Variants in SIL1 observed in about 807,000 individuals in gnomAD.
The protein encoded by SIL1 is SIL1 nucleotide exchange factor.
A neutral mutation model predicts 49.1 loss-of-function variants in SIL1; 40 were observed. That is an observed-to-expected ratio of 0.81 (90% confidence interval 0.63 to 1.06). The LOEUF (loss-of-function observed/expected upper bound fraction) is 1.06. Among genes scored for constraint, SIL1 ranks in the 50% least tolerant of loss-of-function variants. The pLI is 0.00. For missense variants in SIL1, 500 were observed against 572.6 expected (o/e 0.87, Z 1.29); for synonymous variants, 253 against 250.8 (o/e 1.01, Z -0.08).
intron 7 of SIL1, among the ~76,000 whole-genome samples, chr5:138,956,242 C>T (rs1766898575): frequency 6.6e-6 from 1 of 152,236 alleles, no homozygotes; most frequent in Admixed American, 6.5e-5. Context: ...CTCAATCATT[C>T]ACCTGATGAA....
chr5:139,165,597 A>C (rs1021469840), intron 1 of SIL1, among the ~76,000 whole-genome samples: 3 of 151,936 alleles, frequency 2.0e-5, no homozygotes, highest in Admixed American at 6.6e-5. Flanking sequence ...TGATCCGCCC[A>C]CCTTAGCCTC....
At chr5:138,981,840 T>A (rs373413725) in intron 7 of SIL1, among the ~76,000 whole-genome samples, 1 of 152,040 alleles carries the variant, frequency 6.6e-6, no homozygotes, top group East Asian at 1.9e-4. Context: ...TCTTTTTTTT[T>A]TCTCTCTCTC....
intron 7 of SIL1, among the ~76,000 whole-genome samples, chr5:138,985,984 G>C (rs1233804581): frequency 1.3e-5 from 2 of 152,134 alleles, no homozygotes; most frequent in Non-Finnish European, 1.5e-5. Context: ...CATCCTAATG[G>C]ACTTTGTGAT....
intron 1 of SIL1, among the ~76,000 whole-genome samples, chr5:139,181,981 G>A (rs750787612): frequency 2.2e-4 from 34 of 152,126 alleles, no homozygotes; most frequent in Non-Finnish European, 3.2e-4. Context: ...CACAGTTTTT[G>A]TTTTTTTGGT....
intron 1 of SIL1, among the ~76,000 whole-genome samples, chr5:139,132,834 G>GA (rs1299890967): frequency 2.6e-5 from 4 of 152,186 alleles, no homozygotes; most frequent in Non-Finnish European, 5.9e-5. Context: ...GGGGGAAAGG[G>GA]AAGTGGCACA....
rs79273650 is a variant in SIL1, at chr5:139,162,189, C to T, written c.-10-34336G>A. On this transcript the variant is annotated intron_variant, in intron 1 of 9. Transcript: ENST00000394817. Reference sequence around the variant, plus strand: ...CCACTACCAGAAAGAGAAGCACTATCCCCTCTGACCTCTCCATGTCTCACC... The same window carrying T: ...CCACTACCAGAAAGAGAAGCACTATTCCCTCTGACCTCTCCATGTCTCACC... 6.7e-3 allele frequency among the ~76,000 whole-genome samples: 1,013 copies of T among 152,246 alleles called. 7 individuals carry two copies. The highest frequency in any genetic ancestry group is 0.011 in the Non-Finnish European group (745 of 68,022).
rs1345983568 is a variant in SIL1, at chr5:138,948,821, T to C, written c.1030-1348A>G. Among the ~76,000 whole-genome samples, 3 of 152,162 alleles carry C rather than the reference T, an allele frequency of 2.0e-5. No homozygotes were observed. Among genetic ancestry groups the C allele is most frequent in the African/African-American group, 4.8e-5 (2 of 41,438 alleles). ...CTGCCTAGGTCAGGAGGGCAGCGGG[T>C]TCCTTACGGGAGAGCGGTTGTTATT... is the stretch of plus-strand genomic sequence containing the variant. On this transcript the variant is annotated intron_variant, in intron 9 of 9. Transcript: ENST00000394817. This position sits in a 1 kb window ranked among gnomAD's most constrained non-coding sequence, Gnocchi z 4.8.
At chr5:139,160,183 AC>A (rs1751484559) in intron 1 of SIL1, among the ~76,000 whole-genome samples, 4 of 138,468 alleles carry the variant, frequency 2.9e-5, no homozygotes, top group African/African-American at 5.0e-5. Context: ...ACACACACAC[AC>A]ACAAAAGTTA....
intron 5 of SIL1, among the ~76,000 whole-genome samples, chr5:139,037,835 T>A (rs1358394903): frequency 6.6e-6 from 1 of 152,208 alleles, no homozygotes; most frequent in Non-Finnish European, 1.5e-5. Context: ...AGTATTAGCA[T>A]CTGTCTCAGT....
At chr5:139,011,304 C>G (rs1220499076) in intron 7 of SIL1, among the ~76,000 whole-genome samples, 3 of 152,172 alleles carry the variant, frequency 2.0e-5, no homozygotes, top group Non-Finnish European at 4.4e-5. Flanking sequence ...TGAGGCAATG[C>G]CTCGCCCTGC....
chr5:139,079,364 G>A (rs1239171160), intron 3 of SIL1, among the ~76,000 whole-genome samples: 1 of 152,160 alleles, frequency 6.6e-6, no homozygotes, highest in Non-Finnish European at 1.5e-5. Flanking sequence ...GACACCAGGG[G>A]CCCATTAGCA....
At chr5:139,134,981 G>T (rs1180361357) in intron 1 of SIL1, among the ~76,000 whole-genome samples, 1 of 152,184 alleles carries the variant, frequency 6.6e-6, no homozygotes, top group African/African-American at 2.4e-5. Flanking sequence ...ACACTGAAAG[G>T]ACGCCCCTGA....
At chr5:139,124,626 A>G (rs1329784425) in intron 2 of SIL1, among the ~76,000 whole-genome samples, 1 of 152,228 alleles carries the variant, frequency 6.6e-6, no homozygotes. Context: ...GAGAGGTTCA[A>G]TGATATGAAC....
rs866405224 is a variant in SIL1, at chr5:139,127,844, A to G, written c.-1T>C. The G allele has an allele frequency of 3.8e-6, 6 of 1,597,522 alleles. No homozygotes were observed. The Middle Eastern group carries it at 1.0e-3, about 272-fold the overall frequency. On this transcript the variant is annotated 5_prime_UTR_variant, in exon 2 of 10. Transcript: ENST00000394817. ...ATGAAGGCAGGCTCTGGGGAGCCAT[A>G]GTCAGGGACCTGCAGGTGCAAGCAT...
intron 1 of SIL1, chr5:139,131,603 C>G (rs55650316): frequency 0.27 from 40,439 of 152,190 alleles, 6,323 homozygotes; most frequent in Middle Eastern, 0.38. Context: ...CCAGCTCCCC[C>G]CCTCTTTTTT....
chr5:139,126,672 A>C (rs981383578), intron 2 of SIL1, among the ~76,000 whole-genome samples: 4 of 151,944 alleles, frequency 2.6e-5, no homozygotes, highest in Non-Finnish European at 5.9e-5. Flanking sequence ...ACTCAAAAGG[A>C]CTCGTGACTC....
At chr5:138,952,270 A>G (rs1021336147) in intron 7 of SIL1, among the ~76,000 whole-genome samples, 10 of 152,346 alleles carry the variant, frequency 6.6e-5, no homozygotes, top group Admixed American at 5.2e-4. Flanking sequence ...TCCTTCCTCC[A>G]TGACCCAAGC....
intron 7 of SIL1, among the ~76,000 whole-genome samples, chr5:138,958,325 G>A (rs1373042208): frequency 6.6e-6 from 1 of 152,172 alleles, no homozygotes; most frequent in Non-Finnish European, 1.5e-5. Context: ...CTTTCTCAGT[G>A]TATCACATAG....
intron 7 of SIL1, among the ~76,000 whole-genome samples, chr5:138,968,929 C>G (rs533559596): frequency 6.6e-6 from 1 of 152,150 alleles, no homozygotes; most frequent in Non-Finnish European, 1.5e-5. Context: ...GTTCTGACTT[C>G]TCTCCCCATC....
Sources: allele counts gnomAD v4.1 joint callset (sites outside exome capture counted in the v4.1 genomes callset), GRCh38; gene constraint gnomAD v4.1.1; non-coding constraint Gnocchi (gnomAD v3.1); transcripts MANE v1.5; gene names NCBI Gene and HGNC (gene_info 2026-07-23, HGNC 2026-07-21).